Variants in CAMTA1 observed in about 807,000 individuals in gnomAD.
CAMTA1 encodes the protein calmodulin-binding transcription activator 1.
In CAMTA1, 27 loss-of-function variants were observed where a neutral mutation model predicts 170.9. The observed-to-expected ratio is 0.16, with a 90% CI of 0.12 to 0.22. The LOEUF (loss-of-function observed/expected upper bound fraction) is 0.22. Ranked by LOEUF, CAMTA1 falls within the 10% of genes least tolerant of loss-of-function variation. The pLI is 1.00. For synonymous variants in CAMTA1, 833 were observed against 891.5 expected, an observed-to-expected ratio of 0.93 and a Z score of 1.17; for missense variants, 1,619 against 2,217.2, an observed-to-expected ratio of 0.73 and a Z score of 5.42.
At chr1:6,897,388 G>A (rs1420281738) in intron 3 of CAMTA1, among the ~76,000 whole-genome samples, 2 of 148,700 alleles carry the variant, frequency 1.3e-5, no homozygotes, top group African/African-American at 2.5e-5. Flanking sequence ...GGGGCGGGGA[G>A]TAGTGTTGGA....
At chr1:7,272,275 C>T (rs1412528255) in intron 5 of CAMTA1, among the ~76,000 whole-genome samples, 2 of 152,112 alleles carry the variant, frequency 1.3e-5, no homozygotes, top group Admixed American at 6.5e-5. Context: ...AAAGACATCT[C>T]ATGTTGTTGG....
intron 3 of CAMTA1, among the ~76,000 whole-genome samples, chr1:7,087,410 CT>C (rs1271127307): frequency 6.6e-6 from 1 of 152,186 alleles, no homozygotes; most frequent in Non-Finnish European, 1.5e-5. Context: ...GAGAATCCCC[CT>C]GAAGGAGATT....
chr1:7,231,833 G>A (rs984010571), intron 4 of CAMTA1, among the ~76,000 whole-genome samples: 7 of 152,178 alleles, frequency 4.6e-5, no homozygotes, highest in Admixed American at 2.0e-4. Flanking sequence ...TAATCCTATT[G>A]AACAGGATTG....
Position 7,065,636 on chromosome 1 carries a change from G to C in CAMTA1, c.235-25668G>C, listed in dbSNP as rs1708858500. Among the ~76,000 whole-genome samples the C allele has an allele frequency of 9.0e-6, 1 of 110,798 alleles. No individual in the cohort carries two copies. The highest frequency in any genetic ancestry group is 1.8e-5 in the Non-Finnish European group (1 of 54,782). 72.7% of individuals were successfully genotyped at this position (110,798 alleles called of 152,430 possible). On this transcript the variant is annotated intron_variant, in intron 3 of 22. Transcript: ENST00000303635. The surrounding 1 kb of genome is among the most constrained non-coding windows in gnomAD (Gnocchi z 5.2). ...TATTTCATGGCCATAGGAGGGAAGA[G>C]AGAGGAGACAGCTGCACCTTGTTGG...
rs148337334 is a variant in CAMTA1 at position 7,676,343 on chromosome 1, C to G, written c.2780-1256C>G. Reference sequence around the variant, plus strand: ...AGGTTCCCAGCCAGGGTGGAAAACACAGAGGAAAAACCCATGGGTCCCCTT... The same window carrying G: ...AGGTTCCCAGCCAGGGTGGAAAACAGAGAGGAAAAACCCATGGGTCCCCTT... On this transcript the variant is annotated intron_variant, in intron 10 of 22. Coordinates refer to ENST00000303635, the MANE Select transcript of CAMTA1 (RefSeq NM_015215.4). Among the ~76,000 whole-genome samples, 783 of 152,348 alleles carry G rather than the reference C, an allele frequency of 5.1e-3. 4 individuals carry two copies. Among genetic ancestry groups the G allele is most frequent in the African/African-American group, 0.018 (751 of 41,592 alleles).
Position 7,682,975 on chromosome 1 carries a change from T to C in CAMTA1, c.2914+5242T>C, listed in dbSNP as rs1477262001. On this transcript the variant is annotated intron_variant, in intron 11 of 22. Coordinates refer to ENST00000303635, the MANE Select transcript of CAMTA1 (RefSeq NM_015215.4). The surrounding 1 kb of genome is among the most constrained non-coding windows in gnomAD (Gnocchi z 5.0). The stretch of plus-strand genomic sequence containing the variant: ...TCACAAGGTCAGGAGATCGAGCCCA[T>C]CCTGGTTAACACGGTGAAACCCCGC... 1.3e-5 allele frequency among the ~76,000 whole-genome samples: 2 copies of C among 152,082 alleles called. No homozygotes were observed. The highest frequency in any genetic ancestry group is 2.1e-4 in the South Asian group (1 of 4,812).
In CAMTA1 at chr1:7,110,310, G is replaced by A. The variant is rs529998550; in HGVS notation, c.302+18939G>A. Among the ~76,000 whole-genome samples the A allele has an allele frequency of 2.0e-5, 3 of 152,088 alleles. No individual in the cohort carries two copies. The South Asian group carries it at 6.2e-4, about 32-fold the overall frequency. ...TTTTTTTAAGTTTCTTTTCCTGAAG[G>A]GCTAGAATGTTCTGAGGCAGCTTAA... On this transcript the variant is annotated intron_variant, in intron 4 of 22. Transcript: ENST00000303635.
At chr1:7,081,274 T>C (rs1639978624) in intron 3 of CAMTA1, among the ~76,000 whole-genome samples, 1 of 152,258 alleles carries the variant, frequency 6.6e-6, no homozygotes, top group Non-Finnish European at 1.5e-5. Context: ...TCTTTGCCAC[T>C]GTCATCTTGC....
At position 7,122,556 on chromosome 1, in the gene CAMTA1, G is replaced by A. The variant is rs149067148; in HGVS notation, c.302+31185G>A. Among the ~76,000 whole-genome samples the A allele has an allele frequency of 4.6e-4, 70 of 152,280 alleles. No individual in the cohort carries two copies. The East Asian group carries it at 9.1e-3, about 20-fold the overall frequency. ...AGAGCAGGCAGGCACTTCGGGTGCC[G>A]TTCTGTCCACCAGCATGCCGTCTGA... On this transcript the variant is annotated intron_variant, in intron 4 of 22. Coordinates refer to ENST00000303635, the MANE Select transcript of CAMTA1 (RefSeq NM_015215.4).
At chr1:7,405,167 A>G (rs978189908) in intron 5 of CAMTA1, among the ~76,000 whole-genome samples, 1 of 151,938 alleles carries the variant, frequency 6.6e-6, no homozygotes, top group Admixed American at 6.6e-5. Context: ...TGCGTCCTCC[A>G]TGGAGTCTCT....
In CAMTA1 at chr1:7,738,897, AC is replaced by A. The variant is rs2096790185; in HGVS notation, c.4182+417del. On this transcript the variant is annotated intron_variant, in intron 16 of 22. Transcript: ENST00000303635. This position sits in a 1 kb window ranked among gnomAD's most constrained non-coding sequence, Gnocchi z 4.9. ...GGATAGATTTTGAATTATCTGAGTG[AC>A]CTTGATCGGCATAGCTATCATCTAG... Among the ~76,000 whole-genome samples, 1 of 152,188 alleles carries A rather than the reference AC, an allele frequency of 6.6e-6. No individual in the cohort carries two copies. Among genetic ancestry groups the A allele is most frequent in the African/African-American group, 2.4e-5 (1 of 41,432 alleles).
intron 5 of CAMTA1, among the ~76,000 whole-genome samples, chr1:7,440,041 C>T (rs1255036494): frequency 6.6e-6 from 1 of 152,284 alleles, no homozygotes; most frequent in Non-Finnish European, 1.5e-5. Flanking sequence ...GCAGGCAGCA[C>T]TGGGCGGGTA....
At chr1:7,023,632 T>C (rs1379118547) in intron 3 of CAMTA1, among the ~76,000 whole-genome samples, 1 of 152,134 alleles carries the variant, frequency 6.6e-6, no homozygotes, top group Non-Finnish European at 1.5e-5. Context: ...TCAGTTATTC[T>C]AGAAATAAAA....
Position 7,420,124 on chromosome 1 carries a change from G to T in CAMTA1, c.439-47706G>T, listed in dbSNP as rs761871700. Among the ~76,000 whole-genome samples, 4 of 152,148 alleles carry T rather than the reference G, an allele frequency of 2.6e-5. No individual in the cohort carries two copies. The South Asian group carries it at 6.2e-4, about 24-fold the overall frequency. On this transcript the variant is annotated intron_variant, in intron 5 of 22. Transcript: ENST00000303635. ...CAGTGGGGACCTCCACTCTGGGCCCGCACACCCTCCTGAACCCATGCTGTT... is the reference window on the plus strand; with the variant it reads ...CAGTGGGGACCTCCACTCTGGGCCCTCACACCCTCCTGAACCCATGCTGTT...
chr1:7,530,616 G>A (rs1455970284), intron 6 of CAMTA1, among the ~76,000 whole-genome samples: 1 of 152,070 alleles, frequency 6.6e-6, no homozygotes, highest in Non-Finnish European at 1.5e-5. Context: ...GAAAAAACCA[G>A]GATTCAAACT....
chr1:7,076,149 G>T (rs1558061379), intron 3 of CAMTA1, among the ~76,000 whole-genome samples: 1 of 152,220 alleles, frequency 6.6e-6, no homozygotes, highest in African/African-American at 2.4e-5. Flanking sequence ...TCTCCTGGGA[G>T]TGTTGCTGGC....
chr1:6,906,861 C>A (rs576568819), intron 3 of CAMTA1, among the ~76,000 whole-genome samples: 1 of 152,144 alleles, frequency 6.6e-6, no homozygotes, highest in Non-Finnish European at 1.5e-5. Flanking sequence ...TAAAGTAAAT[C>A]AAAATATGTA....
intron 5 of CAMTA1, chr1:7,382,873 T>TAGAC (rs2087504185): frequency 6.7e-6 from 1 of 150,322 alleles, no homozygotes; most frequent in Non-Finnish European, 1.5e-5. Flanking sequence ...GATAGATAGA[T>TAGAC]ATTCCTATAG....
chr1:7,250,327 G>C (rs1460645242), intron 5 of CAMTA1, among the ~76,000 whole-genome samples: 2 of 152,206 alleles, frequency 1.3e-5, no homozygotes, highest in Non-Finnish European at 2.9e-5. Context: ...AGCCGTAGAG[G>C]GGGAGGGCAT....
Sources: gnomAD v4.1 joint callset for allele counts (sites outside exome capture counted in the v4.1 genomes callset) on GRCh38, gnomAD v4.1.1 for gene constraint, Gnocchi (gnomAD v3.1) non-coding constraint, MANE v1.5 for transcripts, NCBI Gene and HGNC (gene_info 2026-07-23, HGNC 2026-07-21) for gene names.